The following VPS13B variants were observed in gnomAD, a reference collection of about 807,000 sequenced individuals.
VPS13B encodes the protein vacuolar protein sorting 13 homolog B.
Under a neutral mutation model 426.4 loss-of-function variants are expected in VPS13B, and 285 were observed. That is an observed-to-expected ratio of 0.67 (90% CI 0.61 to 0.74). VPS13B has a LOEUF of 0.74. Ranked by LOEUF, VPS13B falls within the 30% of genes least tolerant of loss-of-function variation. The pLI is 0.00. For synonymous variants in VPS13B, 1,676 were observed against 1,676.4 expected, an observed-to-expected ratio of 1.00 and a Z score of 0.01; for missense variants, 4,537 against 4,782.6, an observed-to-expected ratio of 0.95 and a Z score of 1.51.
chr8:99,401,897 T>C (rs1345692964), intron 21 of VPS13B, among the ~76,000 whole-genome samples: 1 of 152,018 alleles, frequency 6.6e-6, no homozygotes, highest in Non-Finnish European at 1.5e-5. Flanking sequence ...AATGTGTTTC[T>C]CATTTTTAGA....
At chr8:99,184,419 T>TG (rs905624546) in intron 16 of VPS13B, among the ~76,000 whole-genome samples, 1 of 152,206 alleles carries the variant, frequency 6.6e-6, no homozygotes, top group African/African-American at 2.4e-5. Flanking sequence ...CCAGTGGGGT[T>TG]GAAATAGTAT....
chr8:99,392,915 T>C (rs1348479780), intron 21 of VPS13B, among the ~76,000 whole-genome samples: 1 of 152,096 alleles, frequency 6.6e-6, no homozygotes, highest in Non-Finnish European at 1.5e-5. Context: ...ATAGTTTGTG[T>C]TGAGTTTTGA....
At position 99,697,604 on chromosome 8, in the gene VPS13B, T is replaced by C. The variant is rs1329083041; in HGVS notation, c.6047-1921T>C. ...GAAGGAACTCTCAAAGACTGGTAGG[T>C]GAAGAAAAATATGTGAAAGCATCTA... On this transcript the variant is annotated intron_variant, in intron 35 of 61. Transcript: ENST00000357162. The C allele has an allele frequency of 7.8e-6, 5 of 642,358 alleles. No homozygotes were observed. The African/African-American group carries it at 9.2e-5, about 12-fold the overall frequency. The allele number at this position is 642,358 out of a possible 1,614,324, so 39.8% of individuals were successfully genotyped here.
At chr8:99,600,745 G>A (rs1460164179) in intron 33 of VPS13B, among the ~76,000 whole-genome samples, 1 of 152,136 alleles carries the variant, frequency 6.6e-6, no homozygotes, top group African/African-American at 2.4e-5. Context: ...GAGTGCTGGA[G>A]AGCTTTCTTT....
chr8:99,376,275 A>T (rs1001886680), intron 19 of VPS13B, among the ~76,000 whole-genome samples: 1 of 152,228 alleles, frequency 6.6e-6, no homozygotes, highest in Non-Finnish European at 1.5e-5. Flanking sequence ...ATATGTTAGA[A>T]CTTGTGTGCT....
At chr8:99,634,482 A>G (rs1436982482) in intron 33 of VPS13B, among the ~76,000 whole-genome samples, 1 of 151,992 alleles carries the variant, frequency 6.6e-6, no homozygotes. Context: ...GAAAACTTGA[A>G]ACTGTAGTAC....
At chr8:99,439,794 TA>T (rs1817589774) in intron 22 of VPS13B, among the ~76,000 whole-genome samples, 1 of 152,118 alleles carries the variant, frequency 6.6e-6, no homozygotes, top group Non-Finnish European at 1.5e-5. Context: ...AAACCTATCT[TA>T]GTCTCTTCTT....
At chr8:99,868,169 ACCTTTATAATGAGGG>A in intron 58 of VPS13B, 105 bp from the exon 59 acceptor site, 4 of 1,238,502 alleles carry the variant, frequency 3.2e-6, no homozygotes, top group Non-Finnish European at 4.6e-6. Flanking sequence ...GGTAGTAAAG[ACCTTTATAATGAGGG>A]TGGGGACTCA....
intron 35 of VPS13B, among the ~76,000 whole-genome samples, chr8:99,674,030 C>G (rs970772548): frequency 1.3e-5 from 2 of 151,956 alleles, no homozygotes; most frequent in Non-Finnish European, 2.9e-5. Context: ...GGAGGATGTT[C>G]CATGTGCAAT....
In VPS13B at chr8:99,354,875, A is replaced by T. The variant is rs555766442; in HGVS notation, c.2825-29333A>T. Among the ~76,000 whole-genome samples, 1,213 of 152,292 alleles carry T rather than the reference A, an allele frequency of 8.0e-3. 9 individuals carry two copies. Among genetic ancestry groups the T allele is most frequent in the African/African-American group, 0.021 (854 of 41,548 alleles). On this transcript the variant is annotated intron_variant, in intron 19 of 61. Transcript: ENST00000357162. ...CCCCAGCAGTCTTTGGAGACAAAAA[A>T]TCCAGCTCTGATTCGGGCAACACTC...
intron 2 of VPS13B, among the ~76,000 whole-genome samples, chr8:99,028,186 AC>A (rs1267314624): frequency 7.9e-5 from 12 of 151,214 alleles, no homozygotes; most frequent in African/African-American, 2.7e-4. Context: ...ATTCCACAAA[AC>A]CGCCATTGTC....
intron 19 of VPS13B, among the ~76,000 whole-genome samples, chr8:99,317,530 G>A (rs1161398008): frequency 6.6e-6 from 1 of 152,034 alleles, no homozygotes; most frequent in African/African-American, 2.4e-5. Context: ...CTGTGCATGT[G>A]TGTGTAGACA....
chr8:99,855,540 C>G (rs1377173547), intron 56 of VPS13B, among the ~76,000 whole-genome samples: 1 of 152,116 alleles, frequency 6.6e-6, no homozygotes, highest in Non-Finnish European at 1.5e-5. Flanking sequence ...CCAGAGTTAG[C>G]CTTGTCAGCC....
At chr8:99,588,887 G>T (rs1183291160) in intron 33 of VPS13B, among the ~76,000 whole-genome samples, 1 of 151,744 alleles carries the variant, frequency 6.6e-6, no homozygotes, top group Non-Finnish European at 1.5e-5. Flanking sequence ...TCCTTGTCTT[G>T]TGCTGGTTTT....
intron 13 of VPS13B, 74 bp downstream of exon 13, chr8:99,143,239 C>T (rs1006988253): frequency 6.3e-7 from 1 of 1,592,216 alleles, no homozygotes; most frequent in South Asian, 1.1e-5. Flanking sequence ...TTTGTGTTGT[C>T]TTGCTAACTT....
chr8:99,626,767 A>G (rs1005930624), intron 33 of VPS13B, among the ~76,000 whole-genome samples: 2 of 152,196 alleles, frequency 1.3e-5, no homozygotes, highest in African/African-American at 4.8e-5. Context: ...CATGTGATCC[A>G]TTTCTGAGTA....
At chr8:99,327,749 C>G (rs1345903263) in intron 19 of VPS13B, among the ~76,000 whole-genome samples, 1 of 152,170 alleles carries the variant, frequency 6.6e-6, no homozygotes, top group East Asian at 1.9e-4. Context: ...TCTACTGTTT[C>G]ATAAGCTACT....
chr8:99,370,920 A>G (rs1256872789), intron 19 of VPS13B, among the ~76,000 whole-genome samples: 3 of 152,074 alleles, frequency 2.0e-5, no homozygotes, highest in Admixed American at 2.0e-4. Flanking sequence ...TTAAGTTTTT[A>G]TTATAAAAGT....
chr8:99,805,210 C>T (rs1002334472), intron 43 of VPS13B, among the ~76,000 whole-genome samples: 21 of 150,122 alleles, frequency 1.4e-4, no homozygotes, highest in Admixed American at 7.3e-4. Context: ...TAGAACATTA[C>T]GTATTACTGT....
Sources: allele counts gnomAD v4.1 joint callset (sites outside exome capture counted in the v4.1 genomes callset), GRCh38; gene constraint gnomAD v4.1.1; transcripts MANE v1.5; gene names NCBI Gene and HGNC (gene_info 2026-07-23, HGNC 2026-07-21).